Variants in FASTKD1 observed in about 807,000 individuals in gnomAD.
The protein encoded by FASTKD1 is FAST kinase domain-containing protein 1, mitochondrial.
Under a neutral mutation model 90.9 loss-of-function variants are expected in FASTKD1, and 94 were observed. The observed-to-expected ratio is 1.03, with a 90% CI of 0.88 to 1.23. FASTKD1 has a LOEUF of 1.23. Ranked by LOEUF, FASTKD1 falls within the 50% of genes most tolerant of loss-of-function variation. The probability of loss-of-function intolerance (pLI) is 0.00; values close to 1 mark genes in which losing one functional copy is unlikely to be tolerated. For missense variants in FASTKD1, 945 were observed against 993.5 expected, an observed-to-expected ratio of 0.95 and a Z score of 0.66; for synonymous variants, 319 against 345.8, an observed-to-expected ratio of 0.92 and a Z score of 0.86.
rs767912500 is a variant in FASTKD1, at chr2:169,529,936, A to G, written c.2443-10T>C. On this transcript the variant is annotated splice_polypyrimidine_tract_variant and intron_variant, in intron 14 of 14. Transcript: ENST00000453153. ...ATTCAAACTGGGAAATCTGAAAATA[A>G]GTAATGTTGTTTGAATGAAAGTTTT... 1.8e-5 allele frequency: 29 copies of G among 1,587,490 alleles called. No homozygotes were observed. The highest frequency in any genetic ancestry group is 2.5e-5 in the Non-Finnish European group (29 of 1,161,174).
intron 2 of FASTKD1, chr2:169,571,127 C>T (rs565556478): frequency 2.0e-5 from 3 of 152,726 alleles, no homozygotes; most frequent in Non-Finnish European, 4.4e-5. Context: ...ACCTGGGAGG[C>T]GGAGGTTGCA....
At chr2:169,540,222 C>G in intron 9 of FASTKD1, 43 bp from the exon 10 acceptor site, 1 of 1,468,190 alleles carries the variant, frequency 6.8e-7, no homozygotes. Flanking sequence ...AGCTGCCTCA[C>G]TTATATATAC....
At chr2:169,561,381 A>G (rs1217789788) in intron 4 of FASTKD1, among the ~76,000 whole-genome samples, 1 of 152,052 alleles carries the variant, frequency 6.6e-6, no homozygotes, top group Non-Finnish European at 1.5e-5. Flanking sequence ...CACTTTGTAA[A>G]TATGAGAGAA....
At chr2:169,536,846 A>G (rs1003695308) in intron 12 of FASTKD1, among the ~76,000 whole-genome samples, 1 of 152,206 alleles carries the variant, frequency 6.6e-6, no homozygotes, top group Non-Finnish European at 1.5e-5. Flanking sequence ...AGTTTTTCAG[A>G]TGAACTTAAA....
intron 1 of FASTKD1, chr2:169,573,084 G>A (rs971959110): frequency 6.6e-6 from 1 of 152,142 alleles, no homozygotes; most frequent in African/African-American, 2.4e-5. Context: ...AGTGAAGCAG[G>A]GACTACAACT....
chr2:169,562,049 AATTATTTATTAATTTATTGTAAAATAAT>A (rs1559157499), intron 4 of FASTKD1, among the ~76,000 whole-genome samples: 3 of 130,428 alleles, frequency 2.3e-5, no homozygotes, highest in African/African-American at 8.6e-5. Flanking sequence ...ATTGTAAATT[AATTATTTATTAATTTATTGTAAAATAAT>A]TATTTATTAA....
At chr2:169,540,735 TCAGAGTTGG>T in intron 9 of FASTKD1, among the ~76,000 whole-genome samples, 1 of 152,316 alleles carries the variant, frequency 6.6e-6, no homozygotes, top group African/African-American at 2.4e-5. Flanking sequence ...TTGCCCAAGA[TCAGAGTTGG>T]CAGCGGAGAG....
chr2:169,531,226 AGGTGGAATGCATG>A, intron 13 of FASTKD1, 113 bp downstream of exon 13: 1 of 993,374 alleles, frequency 1.0e-6, no homozygotes, highest in Non-Finnish European at 1.6e-6. Context: ...AAAGTTACAA[AGGTGGAATGCATG>A]ACATATGAGG....
chr2:169,529,878 G>T lies in FASTKD1; in HGVS notation c.2491C>A (p.Arg831=). The stretch of plus-strand genomic sequence containing the variant: ...ATACATTCTCTCAGGTAGTCCATCC[G>T]AGCATCCTTTGTTGACAGTGCCATA... The part of the protein sequence containing the change: ...NSMALSTKDA[R]MDYLRECIFG... Residue 831 remains arginine (R), a synonymous_variant, in exon 15 of 15, where the codon CGG becomes AGG. Transcript: ENST00000453153. 6.2e-7 allele frequency: 1 copy of T among 1,613,650 alleles called. No homozygotes were observed. The highest frequency in any genetic ancestry group is 1.1e-5 in the South Asian group (1 of 91,016).
chr2:169,539,338 A>T (rs1400480084), intron 10 of FASTKD1, among the ~76,000 whole-genome samples: 3 of 151,452 alleles, frequency 2.0e-5, no homozygotes, highest in African/African-American at 7.3e-5. Context: ...GACTGGGTAC[A>T]GTGGCTCATG....
chr2:169,561,995 T>G (rs1180755538), intron 4 of FASTKD1, among the ~76,000 whole-genome samples: 1 of 122,096 alleles, frequency 8.2e-6, no homozygotes, highest in African/African-American at 3.2e-5. Context: ...TTATTGTAAA[T>G]TAATTATTCA....
chr2:169,549,258 G>C (rs374374144), intron 7 of FASTKD1, among the ~76,000 whole-genome samples: 1 of 151,948 alleles, frequency 6.6e-6, no homozygotes, highest in South Asian at 2.1e-4. Flanking sequence ...TTAGCCAGGT[G>C]GGGTGGCGCA....
At chr2:169,560,839 CTT>C (rs1204635514) in intron 4 of FASTKD1, 54 bp from the exon 5 acceptor site, 17,884 of 243,068 alleles carry the variant, frequency 0.074, no homozygotes, top group South Asian at 0.1. Flanking sequence ...ATGATCAATT[CTT>C]TTTTTTTTTT....
chr2:169,563,356 A>G lies in FASTKD1; in HGVS notation c.447-6T>C. 6.3e-7 allele frequency: 1 copy of G among 1,580,012 alleles called. No individual in the cohort carries two copies. The highest frequency in any genetic ancestry group is 8.7e-7 in the Non-Finnish European group (1 of 1,152,584). On this transcript the variant is annotated splice_polypyrimidine_tract_variant and splice_region_variant and intron_variant, in intron 3 of 14. Coordinates refer to ENST00000453153, the MANE Select transcript of FASTKD1 (RefSeq NM_024622.6). The stretch of plus-strand genomic sequence containing the variant: ...AGAGCAGTTTAATATCAAACCTATT[A>G]AAGGAAATATACAAAGGAGAACATT...
At chr2:169,569,005 A>AC (rs1684117068) in intron 3 of FASTKD1, among the ~76,000 whole-genome samples, 179 bp downstream of exon 3, 1 of 152,010 alleles carries the variant, frequency 6.6e-6, no homozygotes, top group Admixed American at 6.5e-5. Context: ...TCTCAAAAAA[A>AC]AAAAAAAAAA....
rs1158161531 is a variant in FASTKD1 at position 169,562,032 on chromosome 2, T to TTAATTTATTGTAAATTAATTATTTAG, written c.572+1192_572+1193insCTAAATAATTAATTTACAATAAATTA. Among the ~76,000 whole-genome samples the TTAATTTATTGTAAATTAATTATTTAG allele has an allele frequency of 4.6e-3, 627 of 137,452 alleles. 151 individuals are homozygous for TTAATTTATTGTAAATTAATTATTTAG. The highest frequency in any genetic ancestry group is 7.5e-3 in the Non-Finnish European group (485 of 64,668). 90.2% of individuals were successfully genotyped at this position (137,452 alleles called of 152,430 possible). ...TAATTTATTGTAAATTAATTATTTATTAATTTATTGTAAATTAATTATTTA... is the reference window on the plus strand; with the variant it reads ...TAATTTATTGTAAATTAATTATTTATTAATTTATTGTAAATTAATTATTTAGTAATTTATTGTAAATTAATTATTTA... On this transcript the variant is annotated intron_variant, in intron 4 of 14. Coordinates refer to ENST00000453153, the MANE Select transcript of FASTKD1 (RefSeq NM_024622.6).
intron 7 of FASTKD1, among the ~76,000 whole-genome samples, chr2:169,551,775 C>T (rs1311684424): frequency 2.0e-5 from 3 of 151,948 alleles, no homozygotes; most frequent in Non-Finnish European, 2.9e-5. Flanking sequence ...CCTGGGAAAA[C>T]GAATGAGACC....
intron 4 of FASTKD1, among the ~76,000 whole-genome samples, chr2:169,561,600 A>G (rs1683602007): frequency 6.6e-6 from 1 of 151,484 alleles, no homozygotes; most frequent in Admixed American, 6.6e-5. Flanking sequence ...AACTGAAAAG[A>G]AAGTATTCCC....
chr2:169,531,067 T>C, intron 13 of FASTKD1: 2 of 687,680 alleles, frequency 2.9e-6, no homozygotes, highest in Non-Finnish European at 5.4e-6. Flanking sequence ...GGCTAAGTGC[T>C]ATGAGAAAAG....
Sources: gnomAD v4.1 joint callset for allele counts (sites outside exome capture counted in the v4.1 genomes callset) on GRCh38, gnomAD v4.1.1 for gene constraint, MANE v1.5 for transcripts, NCBI Gene and HGNC (gene_info 2026-07-23, HGNC 2026-07-21) for gene names.